VWA8: variants seen among roughly 807,000 people sequenced by gnomAD.
VWA8 encodes von Willebrand factor A domain-containing protein 8.
In VWA8, 221 loss-of-function variants were observed where a neutral mutation model predicts 241.5. The observed-to-expected ratio is 0.91, with a 90% confidence interval of 0.82 to 1.02. The LOEUF (loss-of-function observed/expected upper bound fraction) is 1.02. Ranked by LOEUF, VWA8 falls within the 50% of genes least tolerant of loss-of-function variation. The pLI, the probability that VWA8 is intolerant of heterozygous loss-of-function variation, is 0.00. For missense variants in VWA8, 2,322 were observed against 2,328.7 expected (o/e 1.00, Z 0.06); for synonymous variants, 852 against 827.1 (o/e 1.03, Z -0.52).
chr13:41,747,317 C>T (rs527800536), intron 21 of VWA8, among the ~76,000 whole-genome samples: 2 of 152,234 alleles, frequency 1.3e-5, no homozygotes, highest in Admixed American at 1.3e-4. Flanking sequence ...CCTTCACATC[C>T]CTTGTAAGTT....
At chr13:41,715,893 C>A (rs1339013863) in intron 26 of VWA8, among the ~76,000 whole-genome samples, 1 of 151,992 alleles carries the variant, frequency 6.6e-6, no homozygotes, top group Non-Finnish European at 1.5e-5. Flanking sequence ...GGATGATCAT[C>A]TTTTCTTGAT....
intron 43 of VWA8, among the ~76,000 whole-genome samples, chr13:41,572,016 G>C (rs1036645174): frequency 7.2e-5 from 11 of 152,086 alleles, no homozygotes; most frequent in Non-Finnish European, 1.5e-5. Context: ...TCTGGGAATT[G>C]AGGAGTGTCT....
chr13:41,934,110 G>A (rs1403891552), intron 2 of VWA8, among the ~76,000 whole-genome samples: 1 of 143,788 alleles, frequency 7.0e-6, no homozygotes. Context: ...TAAAGAAAAA[G>A]CAACTCAAAA....
chr13:41,938,907 C>T (rs1877472557), intron 2 of VWA8, among the ~76,000 whole-genome samples: 1 of 152,142 alleles, frequency 6.6e-6, no homozygotes, highest in South Asian at 2.1e-4. Flanking sequence ...TCTATATTTA[C>T]ACAAAAATCA....
intron 2 of VWA8, among the ~76,000 whole-genome samples, chr13:41,933,636 AGAGTCT>A (rs140203193): frequency 6.3e-4 from 96 of 152,208 alleles, no homozygotes; most frequent in African/African-American, 2.2e-3. Context: ...GGAACAGAAC[AGAGTCT>A]AAAAACAGAC....
intron 17 of VWA8, among the ~76,000 whole-genome samples, chr13:41,794,596 T>A (rs1278871310): frequency 6.6e-6 from 1 of 152,222 alleles, no homozygotes; most frequent in African/African-American, 2.4e-5. Flanking sequence ...TAATTTGACC[T>A]CCTCTCTTCC....
chr13:41,607,009 T>C (rs958259655), intron 39 of VWA8, among the ~76,000 whole-genome samples: 1 of 152,150 alleles, frequency 6.6e-6, no homozygotes, highest in Non-Finnish European at 1.5e-5. Flanking sequence ...TTTCTTTCCA[T>C]AGTAGGAAAT....
chr13:41,931,153 GAAAAAAA>G (rs78987239), intron 2 of VWA8, among the ~76,000 whole-genome samples: 4 of 78,710 alleles, frequency 5.1e-5, no homozygotes, highest in Non-Finnish European at 1.0e-4. Context: ...CGTCTCAGGG[GAAAAAAA>G]AAAAAAAAAA....
intron 25 of VWA8, among the ~76,000 whole-genome samples, chr13:41,720,509 T>C (rs1455758050): frequency 6.6e-6 from 1 of 152,196 alleles, no homozygotes; most frequent in East Asian, 1.9e-4. Context: ...CTAATTAATA[T>C]ATCTATCATT....
chr13:41,882,481 G>C lies in VWA8; in HGVS notation c.1080+906C>G, dbSNP rs576278096. 9.9e-5 allele frequency among the ~76,000 whole-genome samples: 15 copies of C among 152,184 alleles called. No homozygotes were observed. In the East Asian group the frequency reaches 2.9e-3, roughly 29 times the overall value. On this transcript the variant is annotated intron_variant, in intron 9 of 44. Coordinates refer to ENST00000379310, the MANE Select transcript of VWA8 (RefSeq NM_015058.2). ...TGGGAGGTGGAGGTTGTAGCGAGCC[G>C]AGATCACACCACTGCACTCCAGCCT...
At chr13:41,941,199 T>C (rs1877579917) in intron 2 of VWA8, among the ~76,000 whole-genome samples, 1 of 152,210 alleles carries the variant, frequency 6.6e-6, no homozygotes, top group Non-Finnish European at 1.5e-5. Context: ...AAGTGTGTAT[T>C]ATTGCTACGA....
chr13:41,731,061 A>C (rs1006647213), intron 22 of VWA8, among the ~76,000 whole-genome samples: 1 of 151,060 alleles, frequency 6.6e-6, no homozygotes, highest in Non-Finnish European at 1.5e-5. Flanking sequence ...AAATAAAATA[A>C]ATAAATTTTA....
rs940629172 is a variant in VWA8, at chr13:41,759,089, G to A, written c.2426+2039C>T. On this transcript the variant is annotated intron_variant, in intron 21 of 44. Transcript: ENST00000379310. ...ATTTGTTAAAAATTTTTGCATCTAT[G>A]TTCATAGGAAATTCTGAATTGTAAT... is the stretch of plus-strand genomic sequence containing the variant. 1.5e-4 allele frequency among the ~76,000 whole-genome samples: 22 copies of A among 151,494 alleles called. 1 individual carries two copies. The highest frequency in any genetic ancestry group is 1.4e-3 in the Admixed American group (21 of 15,180).
At position 41,699,164 on chromosome 13, in the gene VWA8, G is replaced by A. The variant is rs1368154373; in HGVS notation, c.3471C>T (p.Phe1157=). Residue 1157 remains phenylalanine, a synonymous_variant, in exon 29 of 45, where the codon TTC becomes TTT. Coordinates refer to ENST00000379310, the MANE Select transcript of VWA8 (RefSeq NM_015058.2). ...SGFFVDFFDI[F]PRTANGVWHP... ...GCCAAACGCCATTGGCTGTTCTTGG[G>A]AAGATATCAAAAAAGTCCACAAAGA... is the stretch of plus-strand genomic sequence containing the variant. 2 of 1,614,030 alleles carry A rather than the reference G, an allele frequency of 1.2e-6. No homozygotes were observed. The highest frequency in any genetic ancestry group is 1.1e-5 in the South Asian group (1 of 91,076).
At chr13:41,613,926 A>G (rs2044605341) in intron 38 of VWA8, among the ~76,000 whole-genome samples, 4 of 152,240 alleles carry the variant, frequency 2.6e-5, no homozygotes, top group African/African-American at 9.6e-5. Flanking sequence ...CAGGTGAAAC[A>G]AATGTAGCCT....
chr13:41,792,505 T>C (rs1322420450), intron 17 of VWA8, among the ~76,000 whole-genome samples: 1 of 152,002 alleles, frequency 6.6e-6, no homozygotes, highest in Non-Finnish European at 1.5e-5. Flanking sequence ...CATACTATTA[T>C]AATGAATACA....
intron 20 of VWA8, among the ~76,000 whole-genome samples, chr13:41,776,526 G>T (rs1868602107): frequency 6.6e-6 from 1 of 152,134 alleles, no homozygotes; most frequent in Non-Finnish European, 1.5e-5. Flanking sequence ...GAATTAAAGG[G>T]TCATAAATAA....
chr13:41,743,392 G>A (rs1273199322), intron 21 of VWA8, among the ~76,000 whole-genome samples: 1 of 152,150 alleles, frequency 6.6e-6, no homozygotes, highest in African/African-American at 2.4e-5. Context: ...ACTTGGCTTG[G>A]TCCCATTAGC....
chr13:41,709,294 T>C (rs1056328196), intron 26 of VWA8, among the ~76,000 whole-genome samples: 4 of 152,342 alleles, frequency 2.6e-5, no homozygotes, highest in Admixed American at 6.5e-5. Flanking sequence ...TTCTGCCACC[T>C]AATCCTCTCT....
Sources: gnomAD v4.1 joint callset for allele counts (sites outside exome capture counted in the v4.1 genomes callset) on GRCh38, gnomAD v4.1.1 for gene constraint, MANE v1.5 for transcripts, NCBI Gene and HGNC (gene_info 2026-07-23, HGNC 2026-07-21) for gene names.